The following CDS1 variants were observed in gnomAD, a reference collection of about 807,000 sequenced individuals.
CDS1 encodes CDP-diacylglycerol synthase 1, also known as phosphatidate cytidylyltransferase 1.
Under a neutral mutation model 62.1 loss-of-function variants are expected in CDS1, and 41 were observed. The ratio of observed to expected loss-of-function variants is 0.66; its 90% confidence interval spans 0.51 to 0.86. The LOEUF is 0.86. Ranked by LOEUF, CDS1 falls within the 40% of genes least tolerant of loss-of-function variation. The pLI is 0.00. For missense variants in CDS1, 470 were observed against 550.1 expected (o/e 0.85, Z 1.46); for synonymous variants, 185 against 192.6 (o/e 0.96, Z 0.32).
rs1230970903 is a variant in CDS1 at position 84,631,808 on chromosome 4, T to G, written c.581-11T>G. 18 of 1,610,944 alleles carry G rather than the reference T, an allele frequency of 1.1e-5. No homozygotes were observed. The highest frequency in any genetic ancestry group is 2.5e-6 in the Non-Finnish European group (3 of 1,177,412). On this transcript the variant is annotated splice_polypyrimidine_tract_variant and intron_variant, in intron 5 of 12. Transcript: ENST00000295887. ...TTGTACAACGAGCACATGTTTTTTG[T>G]TCTTGAACAGGTTTCTGCATGTTTG... is the stretch of plus-strand genomic sequence containing the variant.
chr4:84,645,809 G>T (rs1203185625), intron 12 of CDS1, among the ~76,000 whole-genome samples: 1 of 152,206 alleles, frequency 6.6e-6, no homozygotes, highest in Admixed American at 6.5e-5. Flanking sequence ...TGATGAGAAA[G>T]AGACAATAAA....
chr4:84,612,917 A>G (rs1001385128), intron 3 of CDS1, among the ~76,000 whole-genome samples: 4 of 146,782 alleles, frequency 2.7e-5, no homozygotes, highest in Non-Finnish European at 4.5e-5. Flanking sequence ...TGATCCTGGG[A>G]GGTGGAGGTT....
chr4:84,613,581 G>A (rs1723395931), intron 3 of CDS1, among the ~76,000 whole-genome samples: 1 of 152,170 alleles, frequency 6.6e-6, no homozygotes, highest in Admixed American at 6.5e-5. Flanking sequence ...CTGCACTCCA[G>A]CCTGGGCGAC....
intron 1 of CDS1, among the ~76,000 whole-genome samples, chr4:84,592,688 G>A (rs1722628878): frequency 6.6e-6 from 1 of 152,216 alleles, no homozygotes; most frequent in Admixed American, 6.5e-5. Flanking sequence ...CCAGTCCAGA[G>A]TGGACTCTTA....
chr4:84,614,013 T>C (rs998383614), intron 3 of CDS1, among the ~76,000 whole-genome samples: 4 of 152,228 alleles, frequency 2.6e-5, no homozygotes, highest in African/African-American at 9.6e-5. Context: ...TAGTGTTACA[T>C]TTTATTTCAT....
chr4:84,607,886 C>T (rs1238746652), intron 2 of CDS1, among the ~76,000 whole-genome samples: 1 of 152,168 alleles, frequency 6.6e-6, no homozygotes, highest in African/African-American at 2.4e-5. Context: ...AAAACAGCGA[C>T]AATTCTAAAT....
At chr4:84,586,869 G>A (rs187453262) in intron 1 of CDS1, among the ~76,000 whole-genome samples, 11 of 152,228 alleles carry the variant, frequency 7.2e-5, no homozygotes, top group African/African-American at 2.2e-4. Flanking sequence ...AGAGACAGGA[G>A]GATTAATGAA....
chr4:84,635,704 CTCCCTCCCTCCCTCCCT>C (rs1352519212), intron 8 of CDS1, among the ~76,000 whole-genome samples: 1 of 119,852 alleles, frequency 8.3e-6, no homozygotes, highest in Non-Finnish European at 1.8e-5. Context: ...CCTTCCCTCC[CTCCCTCCCTCCCTCCCT>C]TTTCATCTTC....
At chr4:84,641,699 T>C (rs1724389401) in intron 10 of CDS1, among the ~76,000 whole-genome samples, 1 of 152,196 alleles carries the variant, frequency 6.6e-6, no homozygotes, top group South Asian at 2.1e-4. Context: ...TTGGAGGCCT[T>C]ACACTAGAGG....
intron 11 of CDS1, among the ~76,000 whole-genome samples, chr4:84,644,569 C>G (rs1243531746): frequency 2.0e-5 from 3 of 152,050 alleles, no homozygotes; most frequent in East Asian, 3.9e-4. Flanking sequence ...TTTTAGGGTG[C>G]CTGAGTGAAC....
Position 84,609,564 on chromosome 4 carries a change from T to A in CDS1, c.342+39T>A, listed in dbSNP as rs375223136. The A allele has an allele frequency of 3.1e-5, 34 of 1,103,914 alleles. No homozygotes were observed. In the African/African-American group the frequency reaches 4.8e-4, roughly 16 times the overall value. 68.4% of individuals were successfully genotyped at this position (1,103,914 alleles called of 1,614,324 possible). On this transcript the variant is annotated intron_variant, in intron 3 of 12. Coordinates refer to ENST00000295887, the MANE Select transcript of CDS1 (RefSeq NM_001263.4). ...TTTTCCCTGAGTGTCTCTTGCTTTG[T>A]TTTTCAACATTTATATAGGATTGAA... is the stretch of plus-strand genomic sequence containing the variant.
At chr4:84,617,435 G>A (rs1274462240) in intron 3 of CDS1, 129 bp from the exon 4 acceptor site, 4 of 589,848 alleles carry the variant, frequency 6.8e-6, no homozygotes, top group East Asian at 6.4e-5. Context: ...ATTTTTTACT[G>A]ACATTTAGCA....
In CDS1 at chr4:84,603,699, T is replaced by C. The variant is rs570738461; in HGVS notation, c.118-544T>C. Among the ~76,000 whole-genome samples the C allele has an allele frequency of 2.0e-5, 3 of 152,300 alleles. No homozygotes were observed. In the South Asian group the frequency reaches 6.2e-4, roughly 32 times the overall value. On this transcript the variant is annotated intron_variant, in intron 1 of 12. Transcript: ENST00000295887. ...CTTCTTTAAAAATCTCATCACCAAA[T>C]GCTGTTGATCATAGTTTACCTACCA... is the stretch of plus-strand genomic sequence containing the variant.
chr4:84,625,422 AAG>A (rs1307267911), intron 5 of CDS1, among the ~76,000 whole-genome samples: 4 of 152,164 alleles, frequency 2.6e-5, no homozygotes, highest in Admixed American at 2.6e-4. Flanking sequence ...AAATGTGAAC[AAG>A]TCCTGTCAGG....
rs1723802665 is a variant in CDS1 at position 84,624,704 on chromosome 4, A to G, written c.580+5171A>G. Reference sequence around the variant, plus strand: ...TTGCTATAATTTATGCTTGAGAATAACATCTCAATTGAGTGTGGACCGATA... The same window carrying G: ...TTGCTATAATTTATGCTTGAGAATAGCATCTCAATTGAGTGTGGACCGATA... On this transcript the variant is annotated intron_variant, in intron 5 of 12. Coordinates refer to ENST00000295887, the MANE Select transcript of CDS1 (RefSeq NM_001263.4). 2.6e-5 allele frequency among the ~76,000 whole-genome samples: 4 copies of G among 152,164 alleles called. No individual in the cohort carries two copies. In the South Asian group the frequency reaches 8.3e-4, roughly 32 times the overall value.
chr4:84,620,219 GTTT>G lies in CDS1; in HGVS notation c.580+705_580+707del, dbSNP rs1209622035. ...GTAGAACTAATCAGGGTAATTAGTT[GTTT>G]TTTTTTTTTTTTTTTTTTGAGATGG... On this transcript the variant is annotated intron_variant, in intron 5 of 12. Transcript: ENST00000295887. Among the ~76,000 whole-genome samples the G allele has an allele frequency of 2.6e-3, 291 of 110,276 alleles. 1 individual carries two copies. The highest frequency in any genetic ancestry group is 0.012 in the African/African-American group (276 of 23,320). The allele number at this position is 110,276 out of a possible 152,430, so 72.3% of individuals were successfully genotyped here.
intron 1 of CDS1, among the ~76,000 whole-genome samples, chr4:84,591,551 C>A (rs1041574455): frequency 4.6e-5 from 7 of 152,114 alleles, no homozygotes; most frequent in Non-Finnish European, 1.0e-4. Context: ...TGGACTTTCC[C>A]TGCATGGAAT....
intron 6 of CDS1, 90 bp downstream of exon 6, chr4:84,631,967 G>C: frequency 2.5e-6 from 2 of 803,346 alleles, no homozygotes; most frequent in South Asian, 3.3e-5. Context: ...AGTCGAATCT[G>C]CTAGCTGTTG....
chr4:84,590,115 G>T (rs1199777516), intron 1 of CDS1, among the ~76,000 whole-genome samples: 2 of 152,182 alleles, frequency 1.3e-5, no homozygotes, highest in Non-Finnish European at 2.9e-5. Flanking sequence ...CCAGCCTAAG[G>T]CAGGTCTTTC....
Sources: allele counts gnomAD v4.1 joint callset (sites outside exome capture counted in the v4.1 genomes callset), GRCh38; gene constraint gnomAD v4.1.1; transcripts MANE v1.5; gene names NCBI Gene and HGNC (gene_info 2026-07-23, HGNC 2026-07-21).